The following CNTN4 variants were observed in gnomAD, a reference collection of about 807,000 sequenced individuals.
CNTN4 encodes the protein contactin-4.
In CNTN4, 77 loss-of-function variants were observed where a neutral mutation model predicts 122.5. The ratio of observed to expected loss-of-function variants is 0.63; its 90% CI spans 0.52 to 0.76. The LOEUF (loss-of-function observed/expected upper bound fraction) is 0.76, where lower values mean the gene tolerates loss of function less well. Ranked by LOEUF, CNTN4 falls within the 30% of genes least tolerant of loss-of-function variation. The pLI, the probability that CNTN4 is intolerant of heterozygous loss-of-function variation, is 0.00. For synonymous variants in CNTN4, 512 were observed against 447.0 expected (o/e 1.15, Z -1.83); for missense variants, 1,256 against 1,259.1 (o/e 1.00, Z 0.04).
chr3:2,504,495 G>A (rs1253693913), intron 3 of CNTN4, among the ~76,000 whole-genome samples: 3 of 152,230 alleles, frequency 2.0e-5, no homozygotes, highest in Admixed American at 2.0e-4. Flanking sequence ...AAAATAAATT[G>A]AGAGATGAGT....
chr3:2,889,154 A>ACT (rs1466769274), intron 10 of CNTN4, among the ~76,000 whole-genome samples: 1 of 152,224 alleles, frequency 6.6e-6, no homozygotes, highest in East Asian at 1.9e-4. Context: ...AGAGATTTCC[A>ACT]CTATGAGCCA....
At chr3:2,099,205 G>T (rs1308808255) in intron 1 of CNTN4, 2 of 152,350 alleles carry the variant, frequency 1.3e-5, no homozygotes, top group Non-Finnish European at 2.9e-5. Context: ...CTGAACGCCT[G>T]AGCGCGGAGG....
intron 3 of CNTN4, among the ~76,000 whole-genome samples, chr3:2,510,716 A>G (rs75087863): frequency 6.6e-6 from 1 of 152,300 alleles, no homozygotes; most frequent in Non-Finnish European, 1.5e-5. Context: ...TAAAGCGCAG[A>G]ACACATGTTC....
intron 14 of CNTN4, among the ~76,000 whole-genome samples, chr3:3,024,687 C>T (rs1333910522): frequency 6.6e-6 from 1 of 152,020 alleles, no homozygotes; most frequent in African/African-American, 2.4e-5. Flanking sequence ...AGAGATTTCC[C>T]TTTTGTAACT....
intron 13 of CNTN4, among the ~76,000 whole-genome samples, chr3:2,976,720 ATAAT>A (rs1344127373): frequency 1.3e-5 from 2 of 152,238 alleles, no homozygotes; most frequent in Non-Finnish European, 2.9e-5. Flanking sequence ...ATAATTCAAA[ATAAT>A]TAATTCCTTC....
chr3:2,429,645 G>C (rs920315223), intron 3 of CNTN4, among the ~76,000 whole-genome samples: 26 of 152,178 alleles, frequency 1.7e-4, no homozygotes, highest in Non-Finnish European at 3.1e-4. Context: ...AGTAGTTTCT[G>C]CTGCCTTTTG....
intron 3 of CNTN4, among the ~76,000 whole-genome samples, chr3:2,405,533 T>C (rs1390196702): frequency 6.6e-6 from 1 of 152,102 alleles, no homozygotes; most frequent in East Asian, 1.9e-4. Flanking sequence ...TTAATAACTA[T>C]AGTTATTTAT....
At chr3:2,589,834 G>C (rs34420520) in intron 4 of CNTN4, among the ~76,000 whole-genome samples, 16,010 of 152,238 alleles carry the variant, frequency 0.11, 1,114 homozygotes, top group Non-Finnish European at 0.15. Context: ...ATGGCTGCTT[G>C]AGTGTCCTCG....
chr3:2,819,569 C>A lies in CNTN4; in HGVS notation c.442C>A (p.Pro148Thr), dbSNP rs773828221. 9 of 1,612,034 alleles carry A rather than the reference C, an allele frequency of 5.6e-6. No individual in the cohort carries two copies. The highest frequency in any genetic ancestry group is 7.6e-6 in the Non-Finnish European group (9 of 1,178,058). ...QGMVLLCGPP[P>T]HSGELSYAWI... ...AATGGTGCTACTGTGTGGCCCGCCACCCCATTCTGGAGGTACATATAAATG... is the reference window on the plus strand; with the variant it reads ...AATGGTGCTACTGTGTGGCCCGCCAACCCATTCTGGAGGTACATATAAATG... The change falls in exon 7 of 25, where the codon CCC becomes ACC. Residue 148 changes from proline (P) to threonine (T), a missense_variant. Physicochemically the swap from Pro to Thr is conservative, Grantham distance 38. Transcript: ENST00000418658.
chr3:2,812,575 T>TG (rs1356288405), intron 6 of CNTN4, among the ~76,000 whole-genome samples: 1 of 150,918 alleles, frequency 6.6e-6, no homozygotes, highest in East Asian at 1.9e-4. Context: ...TTGTTTTGTT[T>TG]TTTTGTTTTT....
chr3:2,925,599 A>C (rs201402367), intron 12 of CNTN4, 30 bp from the exon 13 acceptor site: 307 of 1,605,662 alleles, frequency 1.9e-4, no homozygotes, highest in South Asian at 2.2e-5. Flanking sequence ...GCTGTCTTGC[A>C]TAATAATTAT....
chr3:2,844,675 G>A (rs971095593), intron 7 of CNTN4, among the ~76,000 whole-genome samples: 1 of 152,136 alleles, frequency 6.6e-6, no homozygotes, highest in South Asian at 2.1e-4. Context: ...ACTACAATTA[G>A]AAGTCAACCA....
chr3:2,704,938 C>T (rs568399064), intron 4 of CNTN4, among the ~76,000 whole-genome samples: 2 of 152,012 alleles, frequency 1.3e-5, no homozygotes, highest in African/African-American at 4.8e-5. Flanking sequence ...ATGATAGGAT[C>T]AAAGATAACT....
chr3:2,544,556 GA>G lies in CNTN4; in HGVS notation c.-88-26856del, dbSNP rs1304320573. On this transcript the variant is annotated intron_variant, in intron 3 of 24. Coordinates refer to ENST00000418658, the MANE Select transcript of CNTN4 (RefSeq NM_175607.3). ...CTCAAGAAACTTATAATTGGGAAAA[GA>G]AAACAAAGTACAGTATTCAATTTCT... Among the ~76,000 whole-genome samples, 5 of 152,122 alleles carry G rather than the reference GA, an allele frequency of 3.3e-5. No individual in the cohort carries two copies. The East Asian group carries it at 9.7e-4, about 29-fold the overall frequency.
intron 9 of CNTN4, among the ~76,000 whole-genome samples, chr3:2,884,852 T>G (rs2093952608): frequency 6.6e-6 from 1 of 152,188 alleles, no homozygotes; most frequent in Admixed American, 6.5e-5. Flanking sequence ...CAAATTGGCT[T>G]CTTCAGTCTA....
intron 13 of CNTN4, among the ~76,000 whole-genome samples, chr3:2,932,281 G>A (rs1159616038): frequency 6.6e-6 from 1 of 152,192 alleles, no homozygotes; most frequent in Non-Finnish European, 1.5e-5. Context: ...GGGAGGCTGA[G>A]GCAGGAGAAT....
intron 2 of CNTN4, among the ~76,000 whole-genome samples, chr3:2,233,080 C>T (rs1374007180): frequency 2.0e-5 from 3 of 149,678 alleles, no homozygotes; most frequent in South Asian, 2.1e-4. Flanking sequence ...TCAAGCATGG[C>T]TAGCTGCTGT....
At chr3:2,861,201 G>A (rs1205717743) in intron 7 of CNTN4, among the ~76,000 whole-genome samples, 3 of 152,124 alleles carry the variant, frequency 2.0e-5, no homozygotes, top group African/African-American at 2.4e-5. Flanking sequence ...ATTAAATCCC[G>A]AAGCCAAGAC....
intron 3 of CNTN4, among the ~76,000 whole-genome samples, chr3:2,560,649 C>G (rs181837786): frequency 6.6e-6 from 1 of 152,238 alleles, no homozygotes; most frequent in African/African-American, 2.4e-5. Context: ...CAATACAAGT[C>G]CAAGACTTGA....
Sources: gnomAD v4.1 joint callset for allele counts (sites outside exome capture counted in the v4.1 genomes callset) on GRCh38, gnomAD v4.1.1 for gene constraint, MANE v1.5 for transcripts, NCBI Gene and HGNC (gene_info 2026-07-23, HGNC 2026-07-21) for gene names.